Variants in DMD observed in about 807,000 individuals in gnomAD.
The protein encoded by DMD is mutant dystrophin.
DMD carries 63 observed loss-of-function variants against 330.1 expected under a neutral mutation model. That is an observed-to-expected ratio of 0.19 (90% CI 0.16 to 0.24). The LOEUF is 0.24. Ranked by LOEUF, DMD falls within the 10% of genes least tolerant of loss-of-function variation. The pLI is 1.00. For missense variants in DMD, 3,344 were observed against 2,684.1 expected, an observed-to-expected ratio of 1.25 and a Z score of -5.43; for synonymous variants, 1,223 against 959.8, an observed-to-expected ratio of 1.27 and a Z score of -5.07.
chrX:32,383,347 C>A (rs2097937788), intron 33 of DMD, among the ~76,000 whole-genome samples: 1 of 111,257 alleles, frequency 9.0e-6, no homozygotes, highest in Non-Finnish European at 1.9e-5. Context: ...GTGGCAGACA[C>A]AACCATATAA....
Position 32,804,749 on chromosome X carries a change from C to A in DMD, c.649+4744G>T, listed in dbSNP as rs556401887. On this transcript the variant is annotated intron_variant, in intron 7 of 78. Transcript: ENST00000357033. ...CTCTGGCTGGCAACTGGTGGGTGCC[C>A]CTCTGGGACGAAGCTTCCAGAGGAT... Among the ~76,000 whole-genome samples the A allele has an allele frequency of 2.5e-4, 28 of 112,001 alleles. No individual in the cohort carries two copies. The South Asian group carries it at 8.2e-3, about 33-fold the overall frequency.
chrX:33,073,585 C>T (rs773352686), intron 1 of DMD, among the ~76,000 whole-genome samples: 1 of 111,274 alleles, frequency 9.0e-6, no homozygotes, highest in South Asian at 3.7e-4. Flanking sequence ...AATCCCAGCA[C>T]TTTGGGAGGC....
intron 57 of DMD, among the ~76,000 whole-genome samples, chrX:31,480,013 T>G (rs976850083): frequency 8.9e-6 from 1 of 111,979 alleles, no homozygotes; most frequent in Non-Finnish European, 1.9e-5. Context: ...GAAGTGAGGG[T>G]ATTAATAAAA....
At position 32,991,137 on chromosome X, in the gene DMD, A is replaced by G. The variant is rs960048098; in HGVS notation, c.93+29002T>C. On this transcript the variant is annotated intron_variant, in intron 2 of 78. Transcript: ENST00000357033. Reference sequence around the variant, plus strand: ...TTATCTTAGTTTTCTTCTACTTCAAAATTATATATATTATCTAAAATTTGT... The same window carrying G: ...TTATCTTAGTTTTCTTCTACTTCAAGATTATATATATTATCTAAAATTTGT... 5.4e-5 allele frequency among the ~76,000 whole-genome samples: 6 copies of G among 111,215 alleles called. No homozygotes were observed. The Admixed American group carries it at 5.8e-4, about 11-fold the overall frequency.
intron 1 of DMD, among the ~76,000 whole-genome samples, chrX:33,038,191 A>G (rs2025664): frequency 0.025 from 2,827 of 112,242 alleles, 68 homozygotes; most frequent in Admixed American, 0.071. Flanking sequence ...ACAAATATAA[A>G]TACATGCATG....
intron 49 of DMD, among the ~76,000 whole-genome samples, chrX:31,832,615 T>C (rs2093077216): frequency 8.9e-6 from 1 of 112,353 alleles, no homozygotes; most frequent in South Asian, 3.6e-4. Flanking sequence ...ATACAGAAAG[T>C]TCCTCACACC....
chrX:32,290,246 T>A (rs779679414), intron 42 of DMD, among the ~76,000 whole-genome samples: 4 of 112,502 alleles, frequency 3.6e-5, no homozygotes, highest in Non-Finnish European at 7.5e-5. Flanking sequence ...ACTACTCTAT[T>A]TTAAATAGCA....
Position 32,809,582 on chromosome X carries a change from A to T in DMD, c.560T>A (p.Val187Asp). Residue 187 changes from valine (V) to aspartate (D), a missense_variant, in exon 7 of 79, where the codon GTT (valine) becomes GAT (aspartate). By Grantham distance (152) the Val-to-Asp change is radical (BLOSUM62 -3). Transcript: ENST00000357033. ...RPDLFDWNSV[V>D]CQQSATQRLE... ...TCGTTGTGTGGCTGACTGCTGGCAA[A>T]CCACACTATTCCAGTCAAATAGGTC... 8.3e-7 allele frequency: 1 copy of T among 1,210,795 alleles called. No individual in the cohort carries two copies. Among genetic ancestry groups the T allele is most frequent in the Non-Finnish European group, 1.1e-6 (1 of 895,098 alleles).
At chrX:31,294,152 G>A (rs1028259805) in intron 62 of DMD, among the ~76,000 whole-genome samples, 11 of 112,067 alleles carry the variant, frequency 9.8e-5, no homozygotes, top group Non-Finnish European at 2.1e-4. Flanking sequence ...TTAACAATAC[G>A]GCACAACAGA....
intron 55 of DMD, among the ~76,000 whole-genome samples, chrX:31,554,635 T>C (rs368867697): frequency 1.8e-5 from 2 of 112,158 alleles, no homozygotes; most frequent in East Asian, 5.6e-4. Flanking sequence ...CTCTGGCCTT[T>C]TCCCTGTAAG....
intron 1 of DMD, among the ~76,000 whole-genome samples, chrX:33,251,308 C>A (rs751202307): frequency 1.8e-5 from 2 of 111,709 alleles, no homozygotes; most frequent in Non-Finnish European, 3.8e-5. Flanking sequence ...TCTAAAAATG[C>A]ACAATTCAAA....
chrX:32,835,964 T>C (rs763345326), intron 4 of DMD, among the ~76,000 whole-genome samples: 2 of 111,231 alleles, frequency 1.8e-5, no homozygotes, highest in South Asian at 3.8e-4. Flanking sequence ...TAGGAGGCTG[T>C]TCATATGATT....
chrX:33,020,104 T>C (rs2093884493), intron 2 of DMD, 35 bp downstream of exon 2: 1 of 1,112,440 alleles, frequency 9.0e-7, no homozygotes, highest in African/African-American at 1.8e-5. Flanking sequence ...TTTCACAACT[T>C]AGATCTTAAA....
chrX:32,537,882 C>T (rs1273371052), intron 17 of DMD, among the ~76,000 whole-genome samples: 3 of 112,114 alleles, frequency 2.7e-5, no homozygotes, highest in African/African-American at 9.7e-5. Context: ...TGGAAGAATA[C>T]ATTTTCACAT....
chrX:31,410,921 G>GT (rs758238229), intron 60 of DMD, among the ~76,000 whole-genome samples: 1,570 of 59,752 alleles, frequency 0.026, 77 homozygotes, highest in African/African-American at 0.084. Flanking sequence ...CTGTGTGTGT[G>GT]TTTTTTTTTT....
chrX:31,209,012 A>C (rs914990134), intron 65 of DMD, among the ~76,000 whole-genome samples: 5 of 112,071 alleles, frequency 4.5e-5, no homozygotes, highest in African/African-American at 1.6e-4. Flanking sequence ...TTGAGAAGCT[A>C]AGTTTGCTGT....
At chrX:31,820,423 A>T (rs1438704963) in intron 49 of DMD, among the ~76,000 whole-genome samples, 3 of 112,090 alleles carry the variant, frequency 2.7e-5, no homozygotes, top group Non-Finnish European at 5.6e-5. Flanking sequence ...TTGCATACTA[A>T]AATTATCCAG....
At chrX:32,325,889 C>T (rs1284824142) in intron 41 of DMD, among the ~76,000 whole-genome samples, 2 of 107,407 alleles carry the variant, frequency 1.9e-5, no homozygotes, top group African/African-American at 6.9e-5. Flanking sequence ...CTGCAAACTA[C>T]ACTTCCCAGG....
chrX:32,037,624 G>T lies in DMD; in HGVS notation c.6439-69110C>A, dbSNP rs191540148. On this transcript the variant is annotated intron_variant, in intron 44 of 78. Transcript: ENST00000357033. Reference sequence around the variant, plus strand: ...CAAGCTTTGAGGAATATCGATTTCTGGAAATCCTCCGTTTTATTGGTACCG... The same window carrying T: ...CAAGCTTTGAGGAATATCGATTTCTTGAAATCCTCCGTTTTATTGGTACCG... Among the ~76,000 whole-genome samples, 446 of 111,350 alleles carry T rather than the reference G, an allele frequency of 4.0e-3. 3 individuals are homozygous for T. Among genetic ancestry groups the T allele is most frequent in the African/African-American group, 0.014 (428 of 30,708 alleles).
Sources: gnomAD v4.1 joint callset for allele counts (sites outside exome capture counted in the v4.1 genomes callset) on GRCh38, gnomAD v4.1.1 for gene constraint, MANE v1.5 for transcripts, NCBI Gene and HGNC (gene_info 2026-07-23, HGNC 2026-07-21) for gene names.